The following ITPR1 variants were observed in gnomAD, a reference collection of about 807,000 sequenced individuals.
The protein encoded by ITPR1 is inositol 1,4,5-trisphosphate receptor type 1.
ITPR1 carries 96 observed loss-of-function variants against 318.4 expected under a neutral mutation model. The ratio of observed to expected loss-of-function variants is 0.30; its 90% CI spans 0.26 to 0.36. ITPR1 has a LOEUF of 0.36. Ranked by LOEUF, ITPR1 falls within the 10% of genes least tolerant of loss-of-function variation. The pLI, the probability that ITPR1 is intolerant of heterozygous loss-of-function variation, is 1.00. For missense variants in ITPR1, 2,440 were observed against 3,460.2 expected, an observed-to-expected ratio of 0.71 and a Z score of 7.40; for synonymous variants, 1,312 against 1,289.9, an observed-to-expected ratio of 1.02 and a Z score of -0.37.
intron 5 of ITPR1, 92 bp from the exon 6 acceptor site, chr3:4,639,292 T>C: frequency 1.0e-6 from 1 of 957,054 alleles, no homozygotes. Context: ...CGGTGGTTCT[T>C]GTATGAACTG....
intron 54 of ITPR1, among the ~76,000 whole-genome samples, chr3:4,803,471 G>C (rs1253506592): frequency 3.3e-5 from 5 of 152,218 alleles, no homozygotes; most frequent in Non-Finnish European, 4.4e-5. Flanking sequence ...GGGTGAAAAT[G>C]CATTTACATC....
intron 24 of ITPR1, 120 bp downstream of exon 24, chr3:4,676,921 G>C (rs2125221162): frequency 1.4e-6 from 1 of 694,406 alleles, no homozygotes; most frequent in Middle Eastern, 4.1e-4. Flanking sequence ...CAAATCCTTA[G>C]CTCATCCCTC....
At chr3:4,520,628 C>T (rs1293095417) in intron 3 of ITPR1, among the ~76,000 whole-genome samples, 1 of 152,188 alleles carries the variant, frequency 6.6e-6, no homozygotes, top group Non-Finnish European at 1.5e-5. Context: ...GGCTCCTGCA[C>T]TAGCCTTGAG....
At chr3:4,681,027 T>A (rs1007744626) in intron 25 of ITPR1, among the ~76,000 whole-genome samples, 3 of 152,082 alleles carry the variant, frequency 2.0e-5, no homozygotes, top group Non-Finnish European at 4.4e-5. Context: ...CACTAGCAGC[T>A]TTTACTCACT....
rs79805173 is a variant in ITPR1, at chr3:4,702,291, A to G, written c.4537-539A>G. On this transcript the variant is annotated intron_variant, in intron 35 of 61. Transcript: ENST00000649015. Reference sequence around the variant, plus strand: ...AAGAGTAACTATCCGAATTCTCTTTATGTCATTGAAGACCTTGCCAGAAAT... The same window carrying G: ...AAGAGTAACTATCCGAATTCTCTTTGTGTCATTGAAGACCTTGCCAGAAAT... Among the ~76,000 whole-genome samples, 122 of 152,360 alleles carry G rather than the reference A, an allele frequency of 8.0e-4. No individual in the cohort carries two copies. The East Asian group carries it at 0.02, about 25-fold the overall frequency.
intron 53 of ITPR1, among the ~76,000 whole-genome samples, chr3:4,797,591 C>T (rs1351924711): frequency 6.6e-6 from 1 of 152,222 alleles, no homozygotes; most frequent in Non-Finnish European, 1.5e-5. Flanking sequence ...AAGCGTGCAA[C>T]TCAGGCAGCT....
intron 44 of ITPR1, among the ~76,000 whole-genome samples, chr3:4,760,305 C>T (rs1348281763): frequency 6.6e-6 from 1 of 152,360 alleles, no homozygotes; most frequent in East Asian, 1.9e-4. Context: ...GAGGAGAGGT[C>T]GGCCTGGCGG....
chr3:4,644,047 A>G, intron 7 of ITPR1, 89 bp from the exon 8 acceptor site: 1 of 805,514 alleles, frequency 1.2e-6, no homozygotes, highest in Non-Finnish European at 2.1e-6. Flanking sequence ...TCTTCAGCAC[A>G]GACTCATATG....
intron 23 of ITPR1, among the ~76,000 whole-genome samples, chr3:4,675,875 T>C (rs1359867256): frequency 6.6e-6 from 1 of 152,216 alleles, no homozygotes; most frequent in Non-Finnish European, 1.5e-5. Flanking sequence ...CTGAGTCATG[T>C]TGCATTATAC....
chr3:4,674,285 A>T lies in ITPR1; in HGVS notation c.2540A>T (p.Asp847Val). The change falls in exon 22 of 62, where the codon GAT (aspartate) becomes GTT (valine). Residue 847 changes from aspartate to valine, a missense_variant. Transcript: ENST00000649015. Reference sequence around the variant, plus strand: ...GAGTTTGTGGAGGAGTATTTAAGAGATGTGGTTTGTCAGAGGTTCCCTTTC... The same window carrying T: ...GAGTTTGTGGAGGAGTATTTAAGAGTTGTGGTTTGTCAGAGGTTCCCTTTC... ...TMEFVEEYLR[D>V]VVCQRFPFSD... is the part of the protein sequence containing the mutation. 6.3e-7 allele frequency: 1 copy of T among 1,599,300 alleles called. No homozygotes were observed. The highest frequency in any genetic ancestry group is 1.7e-4 in the Middle Eastern group (1 of 6,046).
intron 42 of ITPR1, among the ~76,000 whole-genome samples, chr3:4,730,568 G>T (rs1414365084): frequency 3.3e-5 from 5 of 151,956 alleles, no homozygotes; most frequent in Non-Finnish European, 5.9e-5. Context: ...CTTGAGTTTG[G>T]CATCCAGTCT....
At chr3:4,837,198 A>C (rs2050985940) in intron 61 of ITPR1, among the ~76,000 whole-genome samples, 1 of 152,190 alleles carries the variant, frequency 6.6e-6, no homozygotes, top group African/African-American at 2.4e-5. Context: ...ACCAAAAAAA[A>C]GGAGGGAAAT....
At chr3:4,620,000 T>C (rs1272909939) in intron 4 of ITPR1, among the ~76,000 whole-genome samples, 1 of 152,070 alleles carries the variant, frequency 6.6e-6, no homozygotes, top group Non-Finnish European at 1.5e-5. Context: ...TTTTCACTTT[T>C]GGTTATTATT....
chr3:4,765,684 G>T (rs554579722), intron 44 of ITPR1, among the ~76,000 whole-genome samples: 99 of 152,106 alleles, frequency 6.5e-4, no homozygotes, highest in South Asian at 4.2e-4. Context: ...CTCTGGAAAT[G>T]ACCGTATTGT....
Position 4,661,049 on chromosome 3 carries a change from C to G in ITPR1, c.1213C>G (p.Pro405Ala), listed in dbSNP as rs1575966394. ...TACCTGGGTTCACAGCACAAATATT[C>G]CTATTGACAAGGAAGAAGAAAAGCC... ...TNTWVHSTNI[P>A]IDKEEEKPVM... is the part of the protein sequence containing the mutation. Residue 405 changes from proline (P) to alanine (A), a missense_variant, in exon 14 of 62, where the codon CCT becomes GCT. Transcript: ENST00000649015. 6.8e-6 allele frequency: 11 copies of G among 1,610,504 alleles called. No individual in the cohort carries two copies. In the East Asian group the frequency reaches 2.5e-4, roughly 36 times the overall value.
intron 4 of ITPR1, among the ~76,000 whole-genome samples, chr3:4,529,107 CT>C (rs1194855807): frequency 6.6e-6 from 1 of 152,138 alleles, no homozygotes; most frequent in Non-Finnish European, 1.5e-5. Flanking sequence ...TCTGGGTACC[CT>C]GAAAATGAGC....
At chr3:4,565,457 T>C (rs1370121634) in intron 4 of ITPR1, among the ~76,000 whole-genome samples, 1 of 152,216 alleles carries the variant, frequency 6.6e-6, no homozygotes, top group African/African-American at 2.4e-5. Flanking sequence ...TACGCAGCAG[T>C]ACTGAGAAGA....
chr3:4,820,298 C>A (rs1189371405), intron 60 of ITPR1, among the ~76,000 whole-genome samples: 1 of 152,206 alleles, frequency 6.6e-6, no homozygotes, highest in Non-Finnish European at 1.5e-5. Context: ...TCACCCTTGA[C>A]TTATGTTCCT....
At chr3:4,731,174 T>G (rs745684057) in intron 42 of ITPR1, among the ~76,000 whole-genome samples, 5 of 152,258 alleles carry the variant, frequency 3.3e-5, no homozygotes, top group African/African-American at 1.2e-4. Context: ...GCTTTCAAAC[T>G]TGTACTTCTC....
Sources: allele counts gnomAD v4.1 joint callset (sites outside exome capture counted in the v4.1 genomes callset), GRCh38; gene constraint gnomAD v4.1.1; transcripts MANE v1.5; gene names NCBI Gene and HGNC (gene_info 2026-07-23, HGNC 2026-07-21).